MICU1: variants seen among roughly 807,000 people sequenced by gnomAD.
MICU1 encodes mitochondrial calcium uptake 1, also known as calcium uptake protein 1, mitochondrial.
MICU1 carries 45 observed loss-of-function variants against 56.8 expected under a neutral mutation model. The observed-to-expected ratio is 0.79, with a 90% CI of 0.62 to 1.02. MICU1 has a LOEUF of 1.02. Ranked by LOEUF, MICU1 falls within the 50% of genes least tolerant of loss-of-function variation. The pLI is 0.00. For synonymous variants in MICU1, 186 were observed against 195.1 expected, an observed-to-expected ratio of 0.95 and a Z score of 0.39; for missense variants, 504 against 587.1, an observed-to-expected ratio of 0.86 and a Z score of 1.46.
At chr10:72,538,371 A>T (rs1839686980) in intron 4 of MICU1, among the ~76,000 whole-genome samples, 1 of 152,166 alleles carries the variant, frequency 6.6e-6, no homozygotes, top group Non-Finnish European at 1.5e-5. Context: ...TTCATAGAAA[A>T]GGCAATGTAA....
At chr10:72,431,084 TTATC>T (rs1468508608) in intron 8 of MICU1, among the ~76,000 whole-genome samples, 1 of 124,254 alleles carries the variant, frequency 8.0e-6, no homozygotes, top group African/African-American at 3.0e-5. Context: ...GAATATACCT[TTATC>T]TGTCTGTCTA....
intron 4 of MICU1, among the ~76,000 whole-genome samples, chr10:72,549,331 C>T (rs1264047651): frequency 6.6e-6 from 1 of 151,708 alleles, no homozygotes; most frequent in Non-Finnish European, 1.5e-5. Flanking sequence ...GCTGGGACTA[C>T]AGGCACGCAC....
chr10:72,550,155 T>A (rs982830679), intron 4 of MICU1, among the ~76,000 whole-genome samples: 5 of 152,318 alleles, frequency 3.3e-5, no homozygotes, highest in East Asian at 3.9e-4. Context: ...GTAGTCTAAG[T>A]ATACAACGTT....
chr10:72,582,965 G>A (rs1201888494), intron 1 of MICU1: 1 of 152,260 alleles, frequency 6.6e-6, no homozygotes, highest in Non-Finnish European at 1.5e-5. Flanking sequence ...TGCCTAAGGA[G>A]GGGTGAACCA....
intron 6 of MICU1, among the ~76,000 whole-genome samples, chr10:72,489,258 C>G (rs1866570416): frequency 6.7e-6 from 1 of 150,088 alleles, no homozygotes; most frequent in Non-Finnish European, 1.5e-5. Context: ...GCCACTGCAC[C>G]ACTCTAGCCT....
intron 10 of MICU1, among the ~76,000 whole-genome samples, 200 bp from the exon 11 acceptor site, chr10:72,376,072 C>T (rs1862509374): frequency 6.6e-6 from 1 of 152,000 alleles, no homozygotes; most frequent in South Asian, 2.1e-4. Flanking sequence ...GGGTGGATCA[C>T]CTGAGGCCAG....
chr10:72,533,641 G>A, intron 5 of MICU1, 105 bp downstream of exon 5: 2 of 825,422 alleles, frequency 2.4e-6, no homozygotes, highest in Non-Finnish European at 3.8e-6. Context: ...CTTTTGGTAA[G>A]ATAAACAGGT....
chr10:72,564,397 C>T (rs553381993), intron 2 of MICU1, among the ~76,000 whole-genome samples: 10 of 151,806 alleles, frequency 6.6e-5, no homozygotes, highest in Non-Finnish European at 8.8e-5. Flanking sequence ...AAAAGTTAGC[C>T]GGGTGTGGTG....
chr10:72,566,505 C>T (rs1840442431), intron 2 of MICU1, 128 bp downstream of exon 2: 2 of 922,458 alleles, frequency 2.2e-6, no homozygotes, highest in African/African-American at 1.7e-5. Flanking sequence ...CGAATATTAA[C>T]AATACCAAAT....
At chr10:72,536,584 C>T (rs71479451) in intron 4 of MICU1, among the ~76,000 whole-genome samples, 1 of 151,900 alleles carries the variant, frequency 6.6e-6, no homozygotes, top group Admixed American at 6.6e-5. Flanking sequence ...ATCTCCTGAC[C>T]TCATGATCCG....
intron 10 of MICU1, among the ~76,000 whole-genome samples, chr10:72,391,351 G>C (rs1042783012): frequency 6.6e-6 from 1 of 152,192 alleles, no homozygotes; most frequent in African/African-American, 2.4e-5. Context: ...AGGATCGCTT[G>C]AATCTGGGAG....
At chr10:72,591,843 C>T (rs1375235173) in intron 1 of MICU1, among the ~76,000 whole-genome samples, 2 of 151,894 alleles carry the variant, frequency 1.3e-5, no homozygotes, top group African/African-American at 2.4e-5. Context: ...TAAACCCCAT[C>T]TCTACCAAAA....
chr10:72,511,210 G>A (rs1422260700), intron 5 of MICU1, among the ~76,000 whole-genome samples: 2 of 152,014 alleles, frequency 1.3e-5, no homozygotes, highest in African/African-American at 2.4e-5. Flanking sequence ...TGTTTTTTAG[G>A]TTCACCATGT....
intron 9 of MICU1, among the ~76,000 whole-genome samples, chr10:72,409,051 G>A (rs1863723076): frequency 6.6e-6 from 1 of 151,128 alleles, no homozygotes; most frequent in Non-Finnish European, 1.5e-5. Flanking sequence ...TCCTTTATAG[G>A]GAGGAAGATT....
intron 1 of MICU1, among the ~76,000 whole-genome samples, chr10:72,571,657 G>A (rs1237028754): frequency 6.6e-6 from 1 of 152,182 alleles, no homozygotes; most frequent in Non-Finnish European, 1.5e-5. Flanking sequence ...GAGCTGACAG[G>A]AAAGTGATGA....
chr10:72,589,858 C>T (rs1349761417), intron 1 of MICU1, among the ~76,000 whole-genome samples: 1 of 152,026 alleles, frequency 6.6e-6, no homozygotes, highest in African/African-American at 2.4e-5. Flanking sequence ...GGTTTATTAA[C>T]GCCATATTTT....
chr10:72,534,721 G>T (rs1442771392), intron 4 of MICU1, among the ~76,000 whole-genome samples: 3 of 152,018 alleles, frequency 2.0e-5, no homozygotes, highest in African/African-American at 4.8e-5. Flanking sequence ...AAAGCTTTTT[G>T]CATTTCTAAT....
chr10:72,619,727 G>A (rs973903015), intron 1 of MICU1, among the ~76,000 whole-genome samples: 1 of 152,182 alleles, frequency 6.6e-6, no homozygotes, highest in Non-Finnish European at 1.5e-5. Flanking sequence ...TGAGGGTAGA[G>A]GGAGGTTCTA....
intron 8 of MICU1, among the ~76,000 whole-genome samples, chr10:72,435,567 C>T (rs922754034): frequency 1.3e-5 from 2 of 152,022 alleles, no homozygotes; most frequent in Non-Finnish European, 2.9e-5. Flanking sequence ...CCACGGAGGA[C>T]GAGCTGAAGC....
Sources: allele counts gnomAD v4.1 joint callset (sites outside exome capture counted in the v4.1 genomes callset), GRCh38; gene constraint gnomAD v4.1.1; transcripts MANE v1.5; gene names NCBI Gene and HGNC (gene_info 2026-07-23, HGNC 2026-07-21).